CUX2: variants seen among roughly 807,000 people sequenced by gnomAD.
CUX2 encodes homeobox protein cut-like 2.
Under a neutral mutation model 144.8 loss-of-function variants are expected in CUX2, and 40 were observed. That is an observed-to-expected ratio of 0.28 (90% CI 0.21 to 0.36). The LOEUF (loss-of-function observed/expected upper bound fraction) is 0.36. Ranked by LOEUF, CUX2 falls within the 10% of genes least tolerant of loss-of-function variation. CUX2 has a pLI of 1.00. For missense variants in CUX2, 1,615 were observed against 1,994.0 expected, an observed-to-expected ratio of 0.81 and a Z score of 3.62; for synonymous variants, 827 against 875.6, an observed-to-expected ratio of 0.94 and a Z score of 0.98.
In CUX2 at chr12:111,186,970, G is replaced by C. The variant is rs1173285844; in HGVS notation, c.64-27230G>C. Among the ~76,000 whole-genome samples the C allele has an allele frequency of 6.6e-6, 1 of 152,114 alleles. No individual in the cohort carries two copies. The highest frequency in any genetic ancestry group is 2.4e-5 in the African/African-American group (1 of 41,416). On this transcript the variant is annotated intron_variant, in intron 1 of 21. Coordinates refer to ENST00000261726, the MANE Select transcript of CUX2 (RefSeq NM_015267.4). This position sits in a 1 kb window ranked among gnomAD's most constrained non-coding sequence, Gnocchi z 4.4. ...ATTTTTGTATTTTTGGTAGAGATGGGGTTTTGCCATGTTGGCGAGGCTGGC... is the reference window on the plus strand; with the variant it reads ...ATTTTTGTATTTTTGGTAGAGATGGCGTTTTGCCATGTTGGCGAGGCTGGC...
intron 1 of CUX2, among the ~76,000 whole-genome samples, chr12:111,110,942 G>A (rs1873908872): frequency 6.6e-6 from 1 of 152,192 alleles, no homozygotes; most frequent in African/African-American, 2.4e-5. Context: ...CAGAGGATGG[G>A]GTGCAGGGGA....
At chr12:111,291,649 C>A in intron 5 of CUX2, 97 bp downstream of exon 5, 2 of 1,377,650 alleles carry the variant, frequency 1.5e-6, no homozygotes, top group Non-Finnish European at 1.9e-6. Context: ...GTGGCTGGGG[C>A]AGGGAACTGG....
intron 3 of CUX2, among the ~76,000 whole-genome samples, chr12:111,248,099 C>T (rs1295937457): frequency 6.6e-6 from 1 of 152,140 alleles, no homozygotes; most frequent in Non-Finnish European, 1.5e-5. Context: ...CAGGGTTTCA[C>T]CATGTTGGCC....
intron 3 of CUX2, among the ~76,000 whole-genome samples, chr12:111,248,053 G>C (rs1390023400): frequency 6.6e-6 from 1 of 152,068 alleles, no homozygotes; most frequent in African/African-American, 2.4e-5. Context: ...CCGCCACCAC[G>C]CCTGGCTAAT....
intron 1 of CUX2, among the ~76,000 whole-genome samples, chr12:111,203,325 A>G (rs943943688): frequency 6.6e-6 from 1 of 151,626 alleles, no homozygotes; most frequent in African/African-American, 2.4e-5. Context: ...CAGGAAAATC[A>G]CTTGAGCCCA....
chr12:111,100,204 T>C, intron 1 of CUX2: 1 of 369,512 alleles, frequency 2.7e-6, no homozygotes. Context: ...TGTGTGTGTA[T>C]GTGTGTGTGT....
chr12:111,034,422 T>C lies in CUX2; in HGVS notation c.63+182T>C, dbSNP rs1869312758. 6.6e-6 allele frequency among the ~76,000 whole-genome samples: 1 copy of C among 151,484 alleles called. No individual in the cohort carries two copies. The highest frequency in any genetic ancestry group is 2.1e-4 in the South Asian group (1 of 4,820). On this transcript the variant is annotated intron_variant, in intron 1 of 21. Transcript: ENST00000261726. The surrounding 1 kb of genome is among the most constrained non-coding windows in gnomAD (Gnocchi z 4.2). Reference sequence around the variant, plus strand: ...AGGTATTAGGAATTGATCTCGCCGCTGCTCTTTGTTCGGTTCAGTCATCGA... The same window carrying C: ...AGGTATTAGGAATTGATCTCGCCGCCGCTCTTTGTTCGGTTCAGTCATCGA...
chr12:111,053,258 C>T (rs1252569348), intron 1 of CUX2, among the ~76,000 whole-genome samples: 1 of 152,200 alleles, frequency 6.6e-6, no homozygotes, highest in African/African-American at 2.4e-5. Flanking sequence ...GTGCTTGCTC[C>T]CCGGTGGCTC....
intron 1 of CUX2, among the ~76,000 whole-genome samples, chr12:111,164,886 C>T (rs1172565445): frequency 1.3e-5 from 2 of 152,142 alleles, no homozygotes; most frequent in Non-Finnish European, 2.9e-5. Context: ...CCCCCTGTAG[C>T]AGAATCTGTA....
At position 111,148,348 on chromosome 12, in the gene CUX2, T is replaced by G. The variant is rs564753869; in HGVS notation, c.64-65852T>G. On this transcript the variant is annotated intron_variant, in intron 1 of 21. Coordinates refer to ENST00000261726, the MANE Select transcript of CUX2 (RefSeq NM_015267.4). Reference sequence around the variant, plus strand: ...TAGTCAAATCCACAGAGAGAGAAAGTAGAGTGGTGGGTGTCTGGGGCGGGT... The same window carrying G: ...TAGTCAAATCCACAGAGAGAGAAAGGAGAGTGGTGGGTGTCTGGGGCGGGT... Among the ~76,000 whole-genome samples the G allele has an allele frequency of 2.1e-3, 307 of 147,384 alleles. 1 individual carries two copies. The highest frequency in any genetic ancestry group is 0.017 in the Middle Eastern group (5 of 294).
chr12:111,038,231 G>A (rs567012959), intron 1 of CUX2, among the ~76,000 whole-genome samples: 1 of 152,348 alleles, frequency 6.6e-6, no homozygotes, highest in East Asian at 1.9e-4. Flanking sequence ...AGAGAGTTTA[G>A]ACATCCATTA....
At chr12:111,183,530 C>T (rs1387409310) in intron 1 of CUX2, among the ~76,000 whole-genome samples, 2 of 152,232 alleles carry the variant, frequency 1.3e-5, no homozygotes, top group South Asian at 2.1e-4. Flanking sequence ...CAGATTGCTT[C>T]GAGCCAGGAT....
chr12:111,327,854 T>G (rs1887891006), intron 18 of CUX2, among the ~76,000 whole-genome samples: 1 of 152,042 alleles, frequency 6.6e-6, no homozygotes, highest in South Asian at 2.1e-4. Context: ...GTCAGGAGTT[T>G]GAGACCAGCC....
At chr12:111,050,936 T>C (rs562658309) in intron 1 of CUX2, among the ~76,000 whole-genome samples, 1 of 152,222 alleles carries the variant, frequency 6.6e-6, no homozygotes, top group African/African-American at 2.4e-5. Flanking sequence ...TAATGTTTGA[T>C]AGCAGAGCAG....
chr12:111,301,453 G>A (rs935327031), intron 9 of CUX2, among the ~76,000 whole-genome samples: 3 of 152,172 alleles, frequency 2.0e-5, no homozygotes, highest in Non-Finnish European at 4.4e-5. Context: ...CAGAGACAAG[G>A]ACGCTGGCTG....
chr12:111,330,049 C>T (rs936862034), intron 18 of CUX2, among the ~76,000 whole-genome samples: 5 of 152,192 alleles, frequency 3.3e-5, no homozygotes, highest in African/African-American at 1.2e-4. Context: ...ACCAACATGG[C>T]ATCAGTGTTG....
chr12:111,311,946 G>A (rs1455191131), intron 15 of CUX2, among the ~76,000 whole-genome samples, 154 bp from the exon 16 acceptor site: 1 of 152,128 alleles, frequency 6.6e-6, no homozygotes, highest in African/African-American at 2.4e-5. Context: ...CAGGCCCACA[G>A]TTTGTTACAT....
At chr12:111,343,518 A>G (rs746192314) in intron 21 of CUX2, among the ~76,000 whole-genome samples, 3 of 152,126 alleles carry the variant, frequency 2.0e-5, no homozygotes, top group Non-Finnish European at 4.4e-5. Flanking sequence ...GGGGGAGAGA[A>G]TGTCTCTTGA....
chr12:111,228,380 GCATATAT>G (rs1199812364), intron 3 of CUX2, among the ~76,000 whole-genome samples: 2 of 152,208 alleles, frequency 1.3e-5, no homozygotes, highest in Admixed American at 6.5e-5. Context: ...ATCCGGCTCT[GCATATAT>G]GCAGGTTTCA....
Sources: gnomAD v4.1 joint callset for allele counts (sites outside exome capture counted in the v4.1 genomes callset) on GRCh38, gnomAD v4.1.1 for gene constraint, Gnocchi (gnomAD v3.1) non-coding constraint, MANE v1.5 for transcripts, NCBI Gene and HGNC (gene_info 2026-07-23, HGNC 2026-07-21) for gene names.